Variants in CSMD2 observed in about 807,000 individuals in gnomAD.
The protein encoded by CSMD2 is CUB and sushi domain-containing protein 2.
A neutral mutation model predicts 398.5 loss-of-function variants in CSMD2; 130 were observed. The observed-to-expected ratio is 0.33, with a 90% CI of 0.28 to 0.38. The LOEUF is 0.38. Among genes scored for constraint, CSMD2 ranks in the 10% least tolerant of loss-of-function variants. CSMD2 has a pLI of 1.00. For synonymous variants in CSMD2, 1,828 were observed against 1,908.5 expected, an observed-to-expected ratio of 0.96 and a Z score of 1.10; for missense variants, 3,829 against 4,764.9, an observed-to-expected ratio of 0.80 and a Z score of 5.78.
chr1:33,830,450 C>T (rs1178832159), intron 6 of CSMD2, among the ~76,000 whole-genome samples: 2 of 152,220 alleles, frequency 1.3e-5, no homozygotes, highest in Non-Finnish European at 2.9e-5. Flanking sequence ...AGCTGAGGGT[C>T]CTGTCTGTTA....
chr1:33,718,944 G>A (rs570793444), intron 19 of CSMD2, among the ~76,000 whole-genome samples: 1 of 152,320 alleles, frequency 6.6e-6, no homozygotes, highest in African/African-American at 2.4e-5. Context: ...CTGTTCCCAG[G>A]CAACTGAGAA....
At position 34,164,698 on chromosome 1, in the gene CSMD2, GCA is replaced by G. The variant is rs1641704973; in HGVS notation, c.187+211_187+212del. Among the ~76,000 whole-genome samples the G allele has an allele frequency of 6.6e-6, 1 of 152,108 alleles. No homozygotes were observed. The highest frequency in any genetic ancestry group is 1.5e-5 in the Non-Finnish European group (1 of 68,016). On this transcript the variant is annotated intron_variant, in intron 1 of 70. Coordinates refer to ENST00000373381, the MANE Select transcript of CSMD2 (RefSeq NM_001281956.2). This position sits in a 1 kb window ranked among gnomAD's most constrained non-coding sequence, Gnocchi z 6.2. Reference sequence around the variant, plus strand: ...CCAAGTTGCGGCTGGGGTTGGGGCAGCAGTGAGGGTGAGGGTGGAGGTGAGGA... The same window carrying G: ...CCAAGTTGCGGCTGGGGTTGGGGCAGGTGAGGGTGAGGGTGGAGGTGAGGA...
chr1:33,889,426 A>G (rs1251415839), intron 5 of CSMD2, among the ~76,000 whole-genome samples: 1 of 152,228 alleles, frequency 6.6e-6, no homozygotes, highest in Non-Finnish European at 1.5e-5. Context: ...ACTGTTATAC[A>G]TGGTTGATGG....
At chr1:33,647,656 T>C (rs1481246561) in intron 28 of CSMD2, among the ~76,000 whole-genome samples, 2 of 152,006 alleles carry the variant, frequency 1.3e-5, no homozygotes, top group African/African-American at 2.4e-5. Flanking sequence ...AAAAAGCCTC[T>C]ATCAGAGCAA....
At chr1:33,894,262 A>G (rs1306550800) in intron 5 of CSMD2, among the ~76,000 whole-genome samples, 2 of 151,964 alleles carry the variant, frequency 1.3e-5, no homozygotes, top group Non-Finnish European at 2.9e-5. Context: ...CTTTTGATAC[A>G]CGTACACCTG....
intron 6 of CSMD2, among the ~76,000 whole-genome samples, chr1:33,846,432 G>A (rs995878272): frequency 3.9e-5 from 6 of 152,370 alleles, no homozygotes; most frequent in African/African-American, 1.2e-4. Flanking sequence ...TGGTGGTTAA[G>A]AGGGTGGGCT....
intron 13 of CSMD2, among the ~76,000 whole-genome samples, chr1:33,749,985 C>T (rs553450123): frequency 1.3e-5 from 2 of 152,238 alleles, no homozygotes; most frequent in South Asian, 4.2e-4. Context: ...CAATGACACA[C>T]CTACAGTATA....
intron 46 of CSMD2, among the ~76,000 whole-genome samples, chr1:33,586,010 T>G (rs1253884888): frequency 1.3e-5 from 2 of 152,230 alleles, no homozygotes; most frequent in East Asian, 3.9e-4. Flanking sequence ...TGGAGACTAT[T>G]TTTTGATCTT....
At chr1:33,861,885 A>G (rs1224128433) in intron 5 of CSMD2, among the ~76,000 whole-genome samples, 1 of 152,108 alleles carries the variant, frequency 6.6e-6, no homozygotes, top group African/African-American at 2.4e-5. Context: ...GCTCCAAGTG[A>G]CCCTGGGGTG....
chr1:33,522,294 C>T (rs549998948), intron 67 of CSMD2, among the ~76,000 whole-genome samples: 10 of 152,322 alleles, frequency 6.6e-5, no homozygotes, highest in East Asian at 1.9e-4. Context: ...GCTTGTCTGG[C>T]GTCCTAGGCA....
At chr1:34,060,866 G>A (rs113287621) in intron 2 of CSMD2, among the ~76,000 whole-genome samples, 10 of 152,118 alleles carry the variant, frequency 6.6e-5, no homozygotes, top group East Asian at 1.9e-4. Flanking sequence ...CCTCATCTTC[G>A]TGGTCCCTGT....
At chr1:33,946,498 T>C (rs1292088363) in intron 3 of CSMD2, among the ~76,000 whole-genome samples, 1 of 152,224 alleles carries the variant, frequency 6.6e-6, no homozygotes, top group East Asian at 1.9e-4. Context: ...CATTGGCTAG[T>C]AACTTGTGGT....
At chr1:34,035,463 T>C (rs1329693847) in intron 2 of CSMD2, among the ~76,000 whole-genome samples, 1 of 151,980 alleles carries the variant, frequency 6.6e-6, no homozygotes, top group Non-Finnish European at 1.5e-5. Flanking sequence ...TAACAAAATA[T>C]TGGCAAGGAG....
chr1:33,578,820 G>A (rs1042095932), intron 48 of CSMD2, among the ~76,000 whole-genome samples: 1 of 152,168 alleles, frequency 6.6e-6, no homozygotes, highest in South Asian at 2.1e-4. Context: ...GAGGTCCCCG[G>A]CCTCTTTCTT....
intron 5 of CSMD2, among the ~76,000 whole-genome samples, chr1:33,888,471 G>T (rs1312086377): frequency 6.6e-6 from 1 of 152,118 alleles, no homozygotes; most frequent in Non-Finnish European, 1.5e-5. Context: ...CATGAATAGA[G>T]CTGAACTCAG....
intron 12 of CSMD2, among the ~76,000 whole-genome samples, chr1:33,774,107 TTGTGTG>T (rs61454614): frequency 0.038 from 5,411 of 141,646 alleles, 114 homozygotes; most frequent in Middle Eastern, 0.06. Context: ...ATGGCTGGGA[TTGTGTG>T]TGTGTGTGTG....
intron 13 of CSMD2, among the ~76,000 whole-genome samples, chr1:33,745,004 T>A (rs1460195742): frequency 6.6e-6 from 1 of 152,268 alleles, no homozygotes; most frequent in Admixed American, 6.5e-5. Flanking sequence ...GCCAAAGATG[T>A]TTACAATGAC....
chr1:33,599,910 T>G, intron 44 of CSMD2: 1 of 518,076 alleles, frequency 1.9e-6, no homozygotes, highest in Non-Finnish European at 3.4e-6. Context: ...TAACACTGTA[T>G]AGTCACACCA....
chr1:33,934,059 A>G (rs1345041329), intron 4 of CSMD2, among the ~76,000 whole-genome samples: 1 of 152,206 alleles, frequency 6.6e-6, no homozygotes, highest in Non-Finnish European at 1.5e-5. Context: ...TGTAATTTTT[A>G]TCCTTGGTGT....
Sources: allele counts gnomAD v4.1 joint callset (sites outside exome capture counted in the v4.1 genomes callset), GRCh38; gene constraint gnomAD v4.1.1; non-coding constraint Gnocchi (gnomAD v3.1); transcripts MANE v1.5; gene names NCBI Gene and HGNC (gene_info 2026-07-23, HGNC 2026-07-21).